ERAP1: variants seen among roughly 807,000 people sequenced by gnomAD.
The protein encoded by ERAP1 is adipocyte-derived leucine aminopeptidase.
In ERAP1, 86 loss-of-function variants were observed where a neutral mutation model predicts 103.7. The ratio of observed to expected loss-of-function variants is 0.83; its 90% confidence interval spans 0.70 to 0.99. The LOEUF (loss-of-function observed/expected upper bound fraction) is 0.99, where lower values mean the gene tolerates loss of function less well. Ranked by LOEUF, ERAP1 falls within the 50% of genes least tolerant of loss-of-function variation. The probability of loss-of-function intolerance (pLI) is 0.00; values close to 1 mark genes in which losing one functional copy is unlikely to be tolerated. For synonymous variants in ERAP1, 398 were observed against 402.4 expected (o/e 0.99, Z 0.13); for missense variants, 1,009 against 1,128.4 (o/e 0.89, Z 1.52).
At chr5:96,905,845 G>A in the ERAP1 span, among the ~76,000 whole-genome samples, 3 of 152,004 alleles carry the variant, frequency 2.0e-5, no homozygotes, top group Non-Finnish European at 2.9e-5. Flanking sequence ...CTGGGTGACC[G>A]AATAATACTC....
At chr5:96,932,734 C>A in the ERAP1 span, among the ~76,000 whole-genome samples, 5,748 of 152,280 alleles carry the variant, frequency 0.038, 190 homozygotes, top group Middle Eastern at 0.12. Context: ...TCCCTATATT[C>A]ATTGATTATC....
At chr5:96,854,481 A>G in the ERAP1 span, among the ~76,000 whole-genome samples, 1 of 152,144 alleles carries the variant, frequency 6.6e-6, no homozygotes, top group Non-Finnish European at 1.5e-5. Context: ...AGCACTCTTA[A>G]TTTTTATTTT....
chr5:96,900,833 T>C, the ERAP1 span, among the ~76,000 whole-genome samples: 1 of 152,096 alleles, frequency 6.6e-6, no homozygotes. Flanking sequence ...CACACCACCA[T>C]GCCCGGCTAA....
the ERAP1 span, among the ~76,000 whole-genome samples, chr5:96,925,034 C>T: frequency 1.3e-3 from 203 of 152,294 alleles, no homozygotes; most frequent in African/African-American, 4.6e-3. Flanking sequence ...CAACCTAGGG[C>T]TTAGATGCCA....
chr5:96,790,603 G>A lies in ERAP1; in HGVS notation c.1361C>T (p.Ala454Val), dbSNP rs1776628403. 2 of 1,611,310 alleles carry A rather than the reference G, an allele frequency of 1.2e-6. No homozygotes were observed. Among genetic ancestry groups the A allele is most frequent in the Non-Finnish European group, 1.7e-6 (2 of 1,177,440 alleles). Residue 454 changes from alanine (A) to valine (V), a missense_variant, in exon 9 of 19, where the codon GCT becomes GTT. Physicochemically the swap from Ala to Val is moderately conservative, Grantham distance 64. Transcript: ENST00000443439. ...ILNMLREYLS[A>V]DAFKSGIVQY... Reference sequence around the variant, plus strand: ...TACAATACCACTTTTAAATGCGTCAGCACTAAGATACTCCCTTAGCATATT... The same window carrying A: ...TACAATACCACTTTTAAATGCGTCAACACTAAGATACTCCCTTAGCATATT...
At chr5:96,832,592 T>C in the ERAP1 span, among the ~76,000 whole-genome samples, 1 of 152,208 alleles carries the variant, frequency 6.6e-6, no homozygotes, top group Non-Finnish European at 1.5e-5. Flanking sequence ...TTTGAAAAAA[T>C]TCTTTCTGGG....
At chr5:96,868,109 A>T in the ERAP1 span, among the ~76,000 whole-genome samples, 1 of 151,966 alleles carries the variant, frequency 6.6e-6, no homozygotes, top group Non-Finnish European at 1.5e-5. Flanking sequence ...AAACAAAAAA[A>T]CTCTATTCTC....
At chr5:96,789,764 T>C (rs1776518771) in intron 10 of ERAP1, among the ~76,000 whole-genome samples, 1 of 152,234 alleles carries the variant, frequency 6.6e-6, no homozygotes, top group African/African-American at 2.4e-5. Context: ...TAAATTCAGA[T>C]CTCTGCTCTG....
At chr5:96,821,440 TC>T in the ERAP1 span, among the ~76,000 whole-genome samples, 1 of 152,188 alleles carries the variant, frequency 6.6e-6, no homozygotes, top group African/African-American at 2.4e-5. Context: ...CCTTTTGGGT[TC>T]CCTTTTTGGT....
chr5:96,820,973 G>A, the ERAP1 span, among the ~76,000 whole-genome samples: 1 of 151,956 alleles, frequency 6.6e-6, no homozygotes, highest in Admixed American at 6.6e-5. Flanking sequence ...AGAAGAGGAA[G>A]AGAGAGGAAG....
chr5:96,920,354 T>C, the ERAP1 span, among the ~76,000 whole-genome samples: 30 of 151,924 alleles, frequency 2.0e-4, no homozygotes, highest in Non-Finnish European at 3.2e-4. Context: ...GATTTTCTTG[T>C]CCTATATCAG....
At position 96,782,034 on chromosome 5, in the gene ERAP1, G is replaced by C. The variant is rs189364729; in HGVS notation, c.2286-180C>G. Among the ~76,000 whole-genome samples the C allele has an allele frequency of 4.7e-3, 694 of 147,810 alleles. 6 individuals are homozygous for C. Among genetic ancestry groups the C allele is most frequent in the African/African-American group, 0.017 (662 of 39,972 alleles). On this transcript the variant is annotated intron_variant, in intron 15 of 18. Transcript: ENST00000443439. ...TTTTTTTTTTTTTTTTTTTTAGGAC[G>C]GAGTCTTGCTCTGTCACCCAGGCTG... is the stretch of plus-strand genomic sequence containing the variant.
downstream of ERAP1, chr5:96,770,501 C>T (rs1297632045): frequency 1.3e-6 from 2 of 1,481,778 alleles, no homozygotes; most frequent in African/African-American, 1.4e-5. Flanking sequence ...TGGTGATAGC[C>T]ATAGCCTCAT....
chr5:96,847,724 T>C, the ERAP1 span, among the ~76,000 whole-genome samples: 40,453 of 152,060 alleles, frequency 0.27, 6,699 homozygotes, highest in Non-Finnish European at 0.38. Context: ...CGAAAAACTA[T>C]TGGGTCAAAG....
the ERAP1 span, among the ~76,000 whole-genome samples, chr5:96,887,496 C>T: frequency 9.2e-5 from 14 of 152,064 alleles, no homozygotes; most frequent in African/African-American, 3.4e-4. Flanking sequence ...GATGGGGTTT[C>T]ACCATGTTGA....
At chr5:96,854,835 T>C in the ERAP1 span, among the ~76,000 whole-genome samples, 2 of 152,158 alleles carry the variant, frequency 1.3e-5, no homozygotes, top group Non-Finnish European at 2.9e-5. Flanking sequence ...TAGAAAGAAG[T>C]TTAACCAAAA....
intron 1 of ERAP1, 89 bp downstream of exon 1, chr5:96,807,771 C>T (rs1174187574): frequency 1.5e-5 from 14 of 921,982 alleles, no homozygotes; most frequent in Non-Finnish European, 1.8e-5. Flanking sequence ...AGGCCCTCAG[C>T]CCCCCACTTG....
At position 96,775,583 on chromosome 5, in the gene ERAP1, A is replaced by C. The variant is rs915544924; in HGVS notation, c.*813T>G. On this transcript the variant is annotated 3_prime_UTR_variant, in exon 19 of 19. Transcript: ENST00000443439. ...GGTTCTATAAAAAGATTTTTTGCAA[A>C]AGTGCGAGCACATTATGTAGAAACC... The C allele has an allele frequency of 2.3e-6, 2 of 851,096 alleles. No homozygotes were observed. The highest frequency in any genetic ancestry group is 3.7e-5 in the African/African-American group (2 of 54,444). The allele number at this position is 851,096 out of a possible 1,614,324, so 52.7% of individuals were successfully genotyped here. A position where few individuals can be genotyped will look rare whatever the true frequency, so the allele number is the denominator to read the frequency against.
At chr5:96,901,294 T>C in the ERAP1 span, among the ~76,000 whole-genome samples, 1 of 152,152 alleles carries the variant, frequency 6.6e-6, no homozygotes, top group Non-Finnish European at 1.5e-5. Context: ...CTATATCCTG[T>C]ATATATCCCT....
Sources: gnomAD v4.1 joint callset for allele counts (sites outside exome capture counted in the v4.1 genomes callset) on GRCh38, gnomAD v4.1.1 for gene constraint, MANE v1.5 for transcripts, NCBI Gene and HGNC (gene_info 2026-07-23, HGNC 2026-07-21) for gene names.